The following KCNN2 variants were observed in gnomAD, a reference collection of about 807,000 sequenced individuals.
KCNN2 encodes the protein small conductance calcium-activated potassium channel protein 2.
A neutral mutation model predicts 55.5 loss-of-function variants in KCNN2; 24 were observed. The ratio of observed to expected loss-of-function variants is 0.43; its 90% CI spans 0.31 to 0.61. The LOEUF (loss-of-function observed/expected upper bound fraction) is 0.61, where lower values mean the gene tolerates loss of function less well. Ranked by LOEUF, KCNN2 falls within the 20% of genes least tolerant of loss-of-function variation. The pLI is 0.08. For synonymous variants in KCNN2, 431 were observed against 336.1 expected, an observed-to-expected ratio of 1.28 and a Z score of -3.09; for missense variants, 754 against 853.6, an observed-to-expected ratio of 0.88 and a Z score of 1.45.
At chr5:114,305,209 G>C (rs7706180) in intron 2 of KCNN2, among the ~76,000 whole-genome samples, 1 of 152,086 alleles carries the variant, frequency 6.6e-6, no homozygotes, top group South Asian at 2.1e-4. Context: ...GCAAGGCTGG[G>C]ATTCAAATTC....
At chr5:114,434,995 A>G (rs1021452995) in intron 3 of KCNN2, among the ~76,000 whole-genome samples, 2 of 152,060 alleles carry the variant, frequency 1.3e-5, no homozygotes, top group Non-Finnish European at 2.9e-5. Context: ...TTACTTTTCC[A>G]TTTTCTCTGC....
rs1561513431 is a variant in KCNN2, at chr5:114,184,719, T to TAA, written c.-270-36761_-270-36760insAA. On this transcript the variant is annotated intron_variant, in intron 1 of 10. Transcript: ENST00000512097. ...ATTAAATGAGATAAACGATGCAAAA[T>TAA]GCTTACCACTCTCCTGCCACAATGT... Among the ~76,000 whole-genome samples the TAA allele has an allele frequency of 2.0e-5, 3 of 152,308 alleles. No individual in the cohort carries two copies. In the South Asian group the frequency reaches 6.2e-4, roughly 32 times the overall value.
chr5:114,077,463 G>A (rs528550405), intron 1 of KCNN2, among the ~76,000 whole-genome samples: 1 of 152,284 alleles, frequency 6.6e-6, no homozygotes, highest in East Asian at 1.9e-4. Context: ...TACAGGATAT[G>A]GGACACCTGA....
chr5:114,471,341 A>G (rs1188352013), intron 4 of KCNN2, among the ~76,000 whole-genome samples: 4 of 152,194 alleles, frequency 2.6e-5, no homozygotes, highest in Non-Finnish European at 4.4e-5. Context: ...TTTTAATACA[A>G]TATAAATGCT....
Position 114,278,330 on chromosome 5 carries a change from G to A in KCNN2, c.-185+56765G>A, listed in dbSNP as rs577736707. Among the ~76,000 whole-genome samples the A allele has an allele frequency of 2.3e-3, 356 of 151,798 alleles. 1 individual carries two copies. The highest frequency in any genetic ancestry group is 0.01 in the Middle Eastern group (3 of 294). On this transcript the variant is annotated intron_variant, in intron 2 of 10. Transcript: ENST00000512097. ...AGGGACCCACTTGAGGAAGCAGTCT[G>A]TCCATTATCAGAGCTCGAATGCCAT... is the stretch of plus-strand genomic sequence containing the variant.
At chr5:114,326,325 G>A (rs1306562258) in intron 2 of KCNN2, among the ~76,000 whole-genome samples, 1 of 152,214 alleles carries the variant, frequency 6.6e-6, no homozygotes, top group Non-Finnish European at 1.5e-5. Context: ...CAATGGGGCA[G>A]AAGGCTGAAA....
intron 1 of KCNN2, among the ~76,000 whole-genome samples, chr5:114,207,795 T>C (rs1432380391): frequency 6.6e-6 from 1 of 152,216 alleles, no homozygotes; most frequent in African/African-American, 2.4e-5. Flanking sequence ...CAGTAATACC[T>C]AGTACACCAA....
In KCNN2 at chr5:114,057,898, A is replaced by G. The variant is rs551879059; in HGVS notation, c.-271+1398A>G. 2.6e-4 allele frequency among the ~76,000 whole-genome samples: 39 copies of G among 152,376 alleles called. No individual in the cohort carries two copies. The East Asian group carries it at 7.1e-3, about 28-fold the overall frequency. On this transcript the variant is annotated intron_variant, in intron 1 of 10. Coordinates refer to the KCNN2 transcript ENST00000512097. ...TGGCCCCAAATTAAAAAGTTTGGCA[A>G]TATCAAGTGGTTGAAGAAGATGTGG...
At chr5:114,217,552 C>CA (rs1265202993) in intron 1 of KCNN2, among the ~76,000 whole-genome samples, 4 of 151,280 alleles carry the variant, frequency 2.6e-5, no homozygotes, top group Admixed American at 1.3e-4. Flanking sequence ...CATTCACATA[C>CA]AAAAAAAAGG....
intron 1 of KCNN2, among the ~76,000 whole-genome samples, chr5:114,184,229 C>T (rs1410715894): frequency 6.6e-6 from 1 of 152,176 alleles, no homozygotes. Context: ...GCTGATAAAT[C>T]AGTGCTGCAA....
chr5:114,495,335 G>A (rs1748060802), intron 7 of KCNN2, among the ~76,000 whole-genome samples: 1 of 152,230 alleles, frequency 6.6e-6, no homozygotes, highest in South Asian at 2.1e-4. Context: ...TGGAACAAAG[G>A]ATAACAAACA....
At chr5:114,074,775 A>G (rs1210521660) in intron 1 of KCNN2, among the ~76,000 whole-genome samples, 1 of 152,242 alleles carries the variant, frequency 6.6e-6, no homozygotes, top group Non-Finnish European at 1.5e-5. Context: ...AGAATTAAAA[A>G]TAACTTAGTG....
chr5:114,154,048 A>G (rs1419933563), intron 1 of KCNN2, among the ~76,000 whole-genome samples: 1 of 152,144 alleles, frequency 6.6e-6, no homozygotes, highest in Non-Finnish European at 1.5e-5. Flanking sequence ...GCAGTATCAC[A>G]TGCCATCCCC....
At chr5:114,341,167 T>A (rs888518659) in intron 2 of KCNN2, among the ~76,000 whole-genome samples, 6 of 152,194 alleles carry the variant, frequency 3.9e-5, no homozygotes, top group African/African-American at 1.4e-4. Context: ...TATTTACAAT[T>A]AAAAAGACTG....
intron 2 of KCNN2, among the ~76,000 whole-genome samples, chr5:114,324,668 A>G (rs1756681980): frequency 6.6e-6 from 1 of 152,228 alleles, no homozygotes; most frequent in South Asian, 2.1e-4. Flanking sequence ...AGTTTGTGAT[A>G]ATTTGTTACA....
intron 2 of KCNN2, among the ~76,000 whole-genome samples, chr5:114,307,907 T>G (rs1756316113): frequency 6.6e-6 from 1 of 152,042 alleles, no homozygotes; most frequent in Non-Finnish European, 1.5e-5. Context: ...CTCCTTATAC[T>G]TCCTATTCAG....
At chr5:114,273,339 G>A (rs4513687) in intron 2 of KCNN2, among the ~76,000 whole-genome samples, 1 of 152,102 alleles carries the variant, frequency 6.6e-6, no homozygotes, top group Non-Finnish European at 1.5e-5. Flanking sequence ...ATAAACATAC[G>A]TGTGCATGTG....
chr5:114,056,284 A>C (rs1445045991), exon 1 of KCNN2: 2 of 397,942 alleles, frequency 5.0e-6, no homozygotes, highest in Non-Finnish European at 8.9e-6. Flanking sequence ...CCCGGGCCGC[A>C]AGCAGGCACG....
intron 2 of KCNN2, among the ~76,000 whole-genome samples, chr5:114,402,688 C>G (rs1328651072): frequency 6.6e-6 from 1 of 152,076 alleles, no homozygotes; most frequent in Non-Finnish European, 1.5e-5. Flanking sequence ...TGGCGGCCCT[C>G]GAGGAAAACA....
Sources: gnomAD v4.1 joint callset for allele counts (sites outside exome capture counted in the v4.1 genomes callset) on GRCh38, gnomAD v4.1.1 for gene constraint, MANE v1.5 for transcripts, NCBI Gene and HGNC (gene_info 2026-07-23, HGNC 2026-07-21) for gene names.